Variants in MAF observed in about 807,000 individuals in gnomAD.
The protein encoded by MAF is MAF bZIP transcription factor.
MAF carries 10 observed loss-of-function variants against 22.0 expected under a neutral mutation model. The observed-to-expected ratio is 0.45, with a 90% CI of 0.28 to 0.77. The LOEUF (loss-of-function observed/expected upper bound fraction) is 0.77. Among genes scored for constraint, MAF ranks in the 30% least tolerant of loss-of-function variants. The pLI, the probability that MAF is intolerant of heterozygous loss-of-function variation, is 0.12. For missense variants in MAF, 544 were observed against 548.4 expected (o/e 0.99, Z 0.08); for synonymous variants, 337 against 255.8 (o/e 1.32, Z -3.03).
the MAF span, among the ~76,000 whole-genome samples, chr16:79,538,953 A>T: frequency 1.3e-5 from 2 of 152,112 alleles, no homozygotes; most frequent in Non-Finnish European, 2.9e-5. Flanking sequence ...GAAAAACAAG[A>T]TGAGGTAGAA....
the MAF span, among the ~76,000 whole-genome samples, chr16:79,369,032 G>T: frequency 1.3e-5 from 2 of 152,212 alleles, no homozygotes; most frequent in African/African-American, 4.8e-5. Context: ...TCTTTGGTGG[G>T]TGGTCAGCTC....
At chr16:79,583,005 C>A (rs774614624), downstream of MAF, among the ~76,000 whole-genome samples, 4 of 152,174 alleles carry the variant, frequency 2.6e-5, no homozygotes, top group African/African-American at 4.8e-5. Flanking sequence ...CGTGGTTCAC[C>A]ATTTCTGTTA....
the MAF span, among the ~76,000 whole-genome samples, chr16:79,565,313 A>T: frequency 6.6e-6 from 1 of 152,232 alleles, no homozygotes; most frequent in Non-Finnish European, 1.5e-5. Flanking sequence ...AGGGTTGAGC[A>T]GCTGCAGCAG....
At chr16:79,252,764 A>G in the MAF span, among the ~76,000 whole-genome samples, 1 of 152,168 alleles carries the variant, frequency 6.6e-6, no homozygotes. Flanking sequence ...TGCTGGGATT[A>G]CAGGTGTGAG....
chr16:79,523,802 C>T, the MAF span, among the ~76,000 whole-genome samples: 1 of 152,170 alleles, frequency 6.6e-6, no homozygotes, highest in Admixed American at 6.5e-5. Context: ...GCATCGTTAT[C>T]CAGCAAAGCC....
At chr16:79,369,801 C>A in the MAF span, among the ~76,000 whole-genome samples, 2 of 152,240 alleles carry the variant, frequency 1.3e-5, no homozygotes, top group African/African-American at 4.8e-5. Flanking sequence ...GCATTCTGGC[C>A]AATCTCAAAT....
At chr16:79,586,720 G>C (rs1051746044) in intron 1 of MAF, among the ~76,000 whole-genome samples, 1 of 152,160 alleles carries the variant, frequency 6.6e-6, no homozygotes, top group Non-Finnish European at 1.5e-5. Context: ...TTACTGTACA[G>C]AGTCCAATAT....
the MAF span, among the ~76,000 whole-genome samples, chr16:79,305,593 A>AG: frequency 3.3e-5 from 5 of 152,072 alleles, no homozygotes; most frequent in African/African-American, 9.7e-5. Flanking sequence ...AGGATTGGGG[A>AG]GTTTAGACCC....
intron 1 of MAF, chr16:79,595,311 A>G: frequency 1.9e-6 from 2 of 1,049,166 alleles, no homozygotes. Context: ...TTTTGTAAAA[A>G]ATAGGCAGGA....
the MAF span, among the ~76,000 whole-genome samples, chr16:79,358,165 A>G: frequency 1.1e-4 from 16 of 152,138 alleles, no homozygotes; most frequent in Admixed American, 6.5e-4. Context: ...ACCAACAGCT[A>G]AACTGTTTGC....
At chr16:79,544,160 G>C in the MAF span, among the ~76,000 whole-genome samples, 4 of 152,150 alleles carry the variant, frequency 2.6e-5, no homozygotes, top group African/African-American at 9.7e-5. Context: ...GAGAATCAAA[G>C]AATATACACT....
the MAF span, among the ~76,000 whole-genome samples, chr16:79,563,335 T>C: frequency 4.6e-5 from 7 of 152,376 alleles, no homozygotes; most frequent in Admixed American, 3.3e-4. Context: ...TTATTAATTT[T>C]GTTTGACTCT....
chr16:79,209,339 C>T, the MAF span, among the ~76,000 whole-genome samples: 29 of 152,270 alleles, frequency 1.9e-4, no homozygotes, highest in South Asian at 4.8e-3. Flanking sequence ...AAGAGTGCAA[C>T]GTGGTATCAT....
the MAF span, among the ~76,000 whole-genome samples, chr16:79,403,152 T>C: frequency 6.6e-6 from 1 of 152,174 alleles, no homozygotes; most frequent in African/African-American, 2.4e-5. Flanking sequence ...CATCGCATAA[T>C]AGCCAGCACC....
chr16:79,530,335 C>A, the MAF span, among the ~76,000 whole-genome samples: 1 of 152,248 alleles, frequency 6.6e-6, no homozygotes, highest in East Asian at 1.9e-4. Flanking sequence ...GTCATGCATT[C>A]AGCTGTCCCA....
chr16:79,365,762 T>G, the MAF span, among the ~76,000 whole-genome samples: 6 of 152,168 alleles, frequency 3.9e-5, no homozygotes, highest in Non-Finnish European at 7.4e-5. Flanking sequence ...AAATATCTCA[T>G]GGGGTGAAGT....
chr16:79,423,378 T>C, the MAF span, among the ~76,000 whole-genome samples: 2 of 152,128 alleles, frequency 1.3e-5, no homozygotes, highest in African/African-American at 2.4e-5. Context: ...GAAGATGTGA[T>C]GTGATGTCAG....
the MAF span, among the ~76,000 whole-genome samples, chr16:79,540,309 G>A: frequency 6.6e-6 from 1 of 151,738 alleles, no homozygotes; most frequent in East Asian, 1.9e-4. Context: ...TGCAGTTAGG[G>A]CATGAGAGCT....
At chr16:79,392,209 G>C in the MAF span, among the ~76,000 whole-genome samples, 25 of 147,310 alleles carry the variant, frequency 1.7e-4, no homozygotes, top group African/African-American at 6.3e-4. Flanking sequence ...AGAAGAGAGA[G>C]GAGAAAGAAA....
Sources: allele counts gnomAD v4.1 joint callset (sites outside exome capture counted in the v4.1 genomes callset), GRCh38; gene constraint gnomAD v4.1.1; transcripts MANE v1.5; gene names NCBI Gene and HGNC (gene_info 2026-07-23, HGNC 2026-07-21).